Variants in TRAPPC12 observed in about 807,000 individuals in gnomAD.
The protein encoded by TRAPPC12 is trafficking protein particle complex subunit 12.
A neutral mutation model predicts 69.2 loss-of-function variants in TRAPPC12; 61 were observed. The ratio of observed to expected loss-of-function variants is 0.88; its 90% CI spans 0.72 to 1.09. The LOEUF (loss-of-function observed/expected upper bound fraction) is 1.09, where lower values mean the gene tolerates loss of function less well. Ranked by LOEUF, TRAPPC12 falls within the 50% of genes least tolerant of loss-of-function variation. TRAPPC12 has a pLI of 0.00. For missense variants in TRAPPC12, 1,101 were observed against 1,016.4 expected, an observed-to-expected ratio of 1.08 and a Z score of -1.13; for synonymous variants, 469 against 438.9, an observed-to-expected ratio of 1.07 and a Z score of -0.86.
At chr2:3,405,465 G>A (rs1169453814) in intron 3 of TRAPPC12, among the ~76,000 whole-genome samples, 3 of 152,140 alleles carry the variant, frequency 2.0e-5, no homozygotes, top group East Asian at 1.9e-4. Flanking sequence ...TCTACACACC[G>A]TGGGAATTAC....
intron 2 of TRAPPC12, 138 bp downstream of exon 2, chr2:3,388,808 T>C: frequency 2.3e-6 from 2 of 866,890 alleles, no homozygotes; most frequent in East Asian, 2.8e-5. Context: ...AGCGCCTGTG[T>C]TCCTCTGTCC....
intron 3 of TRAPPC12, among the ~76,000 whole-genome samples, chr2:3,406,246 G>T (rs1360770186): frequency 6.6e-6 from 1 of 152,158 alleles, no homozygotes; most frequent in African/African-American, 2.4e-5. Flanking sequence ...AAAAACCCAG[G>T]CAGAGACCCT....
At position 3,401,574 on chromosome 2, in the gene TRAPPC12, G is replaced by C. The variant is rs182800646; in HGVS notation, c.1048-203G>C. Among the ~76,000 whole-genome samples the C allele has an allele frequency of 2.8e-3, 426 of 152,320 alleles. 5 individuals carry two copies. Among genetic ancestry groups the C allele is most frequent in the Non-Finnish European group, 2.2e-3 (149 of 68,028 alleles). On this transcript the variant is annotated intron_variant, in intron 2 of 11. Transcript: ENST00000324266. The stretch of plus-strand genomic sequence containing the variant: ...TAATTTTTAAAATAAAAAGAATAAA[G>C]AGCAATTCTAAAATTATGCATTTTA...
rs1662244110 is a variant in TRAPPC12, at chr2:3,414,625, A to G, written c.1165-7256A>G. Among the ~76,000 whole-genome samples the G allele has an allele frequency of 6.6e-6, 1 of 151,008 alleles. No homozygotes were observed. The highest frequency in any genetic ancestry group is 6.6e-5 in the Admixed American group (1 of 15,094). On this transcript the variant is annotated intron_variant, in intron 3 of 11. Transcript: ENST00000324266. The surrounding 1 kb of genome is among the most constrained non-coding windows in gnomAD (Gnocchi z 4.9). ...CCCGTTTCCTGAATCCTCAGGCATC[A>G]GTGCCTCACAGAGCTGTGTGCCAGC...
rs763385304 is a variant in TRAPPC12, at chr2:3,479,505, CTG to C, written c.*48_*49del. The C allele has an allele frequency of 3.7e-6, 6 of 1,602,826 alleles. No individual in the cohort carries two copies. The East Asian group carries it at 1.1e-4, about 30-fold the overall frequency. Reference sequence around the variant, plus strand: ...GTCAGAAGGACCCGGGTCTTTGAAACTGTGTCTTGAAGCTAATGTATTAATGT... The same window carrying C: ...GTCAGAAGGACCCGGGTCTTTGAAACTGTCTTGAAGCTAATGTATTAATGT... On this transcript the variant is annotated 3_prime_UTR_variant, in exon 12 of 12. Transcript: ENST00000324266.
intron 3 of TRAPPC12, among the ~76,000 whole-genome samples, chr2:3,406,547 G>A (rs1199879712): frequency 6.6e-6 from 1 of 152,252 alleles, no homozygotes; most frequent in African/African-American, 2.4e-5. Flanking sequence ...TTGGAGAGGA[G>A]AGAGATGGAG....
At chr2:3,404,055 T>C (rs1304891826) in intron 3 of TRAPPC12, among the ~76,000 whole-genome samples, 1 of 152,178 alleles carries the variant, frequency 6.6e-6, no homozygotes, top group Non-Finnish European at 1.5e-5. Context: ...TTTAGAAGCT[T>C]TCCTGGGTTC....
intron 3 of TRAPPC12, among the ~76,000 whole-genome samples, chr2:3,409,798 CCTG>C (rs1661952791): frequency 1.4e-5 from 2 of 141,782 alleles, no homozygotes; most frequent in South Asian, 4.8e-4. Context: ...ATGAAAAAAT[CCTG>C]TTTCTATTCC....
chr2:3,475,339 C>A (rs1666247122), intron 9 of TRAPPC12, among the ~76,000 whole-genome samples: 1 of 151,966 alleles, frequency 6.6e-6, no homozygotes, highest in South Asian at 2.1e-4. Context: ...TCTTGAACTC[C>A]TGAAATTCAG....
intron 6 of TRAPPC12, among the ~76,000 whole-genome samples, chr2:3,447,470 G>C (rs568557661): frequency 8.5e-5 from 13 of 152,180 alleles, no homozygotes; most frequent in Non-Finnish European, 1.6e-4. Flanking sequence ...CAGCGAGAGA[G>C]AAGAGGAGGA....
intron 1 of TRAPPC12, among the ~76,000 whole-genome samples, chr2:3,382,879 C>T (rs911315407): frequency 6.6e-5 from 10 of 152,200 alleles, no homozygotes; most frequent in East Asian, 3.9e-4. Flanking sequence ...AAGCCATCAT[C>T]GTCCCATTGC....
chr2:3,383,796 G>C (rs536134506), intron 1 of TRAPPC12, among the ~76,000 whole-genome samples: 1 of 143,300 alleles, frequency 7.0e-6, no homozygotes, highest in Non-Finnish European at 1.5e-5. Flanking sequence ...TGCATGATTT[G>C]TCTACACATC....
chr2:3,388,686 C>T lies in TRAPPC12; in HGVS notation c.1047+16C>T. ...CAACATCCAGGTGAGCCCGGGTCTC[C>T]CACCTCCGCAGCCCGTGCCTCCTCT... On this transcript the variant is annotated intron_variant, in intron 2 of 11. Transcript: ENST00000324266. 1 of 1,521,628 alleles carries T rather than the reference C, an allele frequency of 6.6e-7. No homozygotes were observed. Among genetic ancestry groups the T allele is most frequent in the Non-Finnish European group, 8.8e-7 (1 of 1,130,400 alleles). 94.3% of individuals were successfully genotyped at this position (1,521,628 alleles called of 1,614,324 possible). A position where few individuals can be genotyped will look rare whatever the true frequency, so the allele number is the denominator to read the frequency against.
At chr2:3,435,369 T>A (rs1305220247) in intron 5 of TRAPPC12, among the ~76,000 whole-genome samples, 3 of 152,212 alleles carry the variant, frequency 2.0e-5, no homozygotes, top group East Asian at 1.9e-4. Context: ...AACATTTTTT[T>A]AAATAACATT....
intron 5 of TRAPPC12, among the ~76,000 whole-genome samples, chr2:3,429,504 C>T (rs1663306755): frequency 6.6e-6 from 1 of 152,142 alleles, no homozygotes; most frequent in African/African-American, 2.4e-5. Context: ...CTTTCCTATT[C>T]GCGTTTCTCT....
chr2:3,440,929 G>A (rs1664167565), intron 5 of TRAPPC12, among the ~76,000 whole-genome samples: 2 of 152,198 alleles, frequency 1.3e-5, no homozygotes, highest in Middle Eastern at 3.4e-3. Flanking sequence ...TTGTTCTTTA[G>A]CCTGTTTGAT....
chr2:3,394,638 G>T (rs993611503), intron 2 of TRAPPC12, among the ~76,000 whole-genome samples: 17 of 149,726 alleles, frequency 1.1e-4, no homozygotes, highest in Middle Eastern at 3.4e-3. Flanking sequence ...AAAAAAAAAG[G>T]GGGGGGAGAT....
intron 6 of TRAPPC12, among the ~76,000 whole-genome samples, chr2:3,453,049 C>G (rs567078063): frequency 1.2e-4 from 18 of 152,370 alleles, no homozygotes; most frequent in African/African-American, 4.1e-4. Flanking sequence ...CTTGAACCCA[C>G]GTCTTCTGGC....
intron 9 of TRAPPC12, among the ~76,000 whole-genome samples, chr2:3,476,063 G>C (rs568670780): frequency 6.6e-6 from 1 of 152,188 alleles, no homozygotes; most frequent in Non-Finnish European, 1.5e-5. Flanking sequence ...GTGGGAAATC[G>C]ATAGTAGTGG....
Sources: gnomAD v4.1 joint callset for allele counts (sites outside exome capture counted in the v4.1 genomes callset) on GRCh38, gnomAD v4.1.1 for gene constraint, Gnocchi (gnomAD v3.1) non-coding constraint, MANE v1.5 for transcripts, NCBI Gene and HGNC (gene_info 2026-07-23, HGNC 2026-07-21) for gene names.